FBLN5: variants seen among roughly 807,000 people sequenced by gnomAD.
The protein encoded by FBLN5 is fibulin 5.
FBLN5 carries 24 observed loss-of-function variants against 61.6 expected under a neutral mutation model. The observed-to-expected ratio is 0.39, with a 90% CI of 0.28 to 0.55. FBLN5 has a LOEUF of 0.55. Ranked by LOEUF, FBLN5 falls within the 20% of genes least tolerant of loss-of-function variation. The pLI, the probability that FBLN5 is intolerant of heterozygous loss-of-function variation, is 0.65. For missense variants in FBLN5, 470 were observed against 594.1 expected (o/e 0.79, Z 2.17); for synonymous variants, 213 against 219.8 (o/e 0.97, Z 0.27).
chr14:91,874,317 T>C (rs914782279), intron 10 of FBLN5: 1 of 152,336 alleles, frequency 6.6e-6, no homozygotes, highest in African/African-American at 2.4e-5. Flanking sequence ...GCAGCAACAG[T>C]AGCAGTGGCC....
intron 4 of FBLN5, among the ~76,000 whole-genome samples, chr14:91,917,938 A>G (rs1891265053): frequency 6.6e-6 from 1 of 152,184 alleles, no homozygotes; most frequent in Non-Finnish European, 1.5e-5. Context: ...ACATTACACA[A>G]GTGTGTAAGG....
At chr14:91,935,375 C>T (rs1245947323) in intron 4 of FBLN5, among the ~76,000 whole-genome samples, 2 of 152,222 alleles carry the variant, frequency 1.3e-5, no homozygotes, top group Non-Finnish European at 2.9e-5. Context: ...CCACGACCAC[C>T]CAAGGCCCCC....
At chr14:91,881,271 C>G in intron 9 of FBLN5, 21 bp downstream of exon 9, 1 of 1,613,884 alleles carries the variant, frequency 6.2e-7, no homozygotes, top group Admixed American at 1.7e-5. Flanking sequence ...TTCTATTCCC[C>G]AGGGGGACGC....
intron 7 of FBLN5, among the ~76,000 whole-genome samples, chr14:91,884,853 G>A (rs554370657): frequency 6.6e-6 from 1 of 152,346 alleles, no homozygotes; most frequent in South Asian, 2.1e-4. Context: ...CTTTGGGTCT[G>A]CAATTCCCAG....
chr14:91,929,890 T>C (rs1397781901), intron 4 of FBLN5, among the ~76,000 whole-genome samples: 2 of 152,138 alleles, frequency 1.3e-5, no homozygotes, highest in African/African-American at 4.8e-5. Flanking sequence ...CCCCAGGTGA[T>C]TCATGGGCAC....
chr14:91,929,531 A>T (rs2055889209), intron 4 of FBLN5, among the ~76,000 whole-genome samples: 1 of 152,226 alleles, frequency 6.6e-6, no homozygotes, highest in African/African-American at 2.4e-5. Context: ...AATAAGTAGC[A>T]AATCTGGGAT....
In FBLN5 at chr14:91,947,125, A is replaced by T; in HGVS notation, c.17+88T>A. 1 of 1,593,548 alleles carries T rather than the reference A, an allele frequency of 6.3e-7. No individual in the cohort carries two copies. Among genetic ancestry groups the T allele is most frequent in the South Asian group, 1.1e-5 (1 of 89,970 alleles). ...TTTCCAATATCCTGACACCGCCTGA[A>T]TCGCAGCCATAACCATTTTCCACCC... On this transcript the variant is annotated intron_variant, in intron 1 of 10. Transcript: ENST00000342058. The surrounding 1 kb of genome is among the most constrained non-coding windows in gnomAD (Gnocchi z 4.3).
intron 4 of FBLN5, among the ~76,000 whole-genome samples, chr14:91,923,396 GT>G (rs1489130355): frequency 1.3e-5 from 2 of 152,146 alleles, no homozygotes; most frequent in African/African-American, 4.8e-5. Context: ...CTCTTATTCT[GT>G]GCCTGCCCTG....
Position 91,943,929 on chromosome 14 carries a change from C to G in FBLN5, c.18-968G>C, listed in dbSNP as rs1450315027. On this transcript the variant is annotated intron_variant, in intron 1 of 10. Transcript: ENST00000342058. This position sits in a 1 kb window ranked among gnomAD's most constrained non-coding sequence, Gnocchi z 4.0. Reference sequence around the variant, plus strand: ...GAGGAGGAGTCACGCACCCTGGGCTCAGTTCTGCCATGCACAAGACAGTGA... The same window carrying G: ...GAGGAGGAGTCACGCACCCTGGGCTGAGTTCTGCCATGCACAAGACAGTGA... 2.6e-5 allele frequency among the ~76,000 whole-genome samples: 4 copies of G among 152,194 alleles called. No homozygotes were observed. The highest frequency in any genetic ancestry group is 4.4e-5 in the Non-Finnish European group (3 of 68,032).
intron 4 of FBLN5, among the ~76,000 whole-genome samples, chr14:91,914,836 T>C (rs1891120000): frequency 6.6e-6 from 1 of 151,616 alleles, no homozygotes; most frequent in Non-Finnish European, 1.5e-5. Context: ...TTTTGTTTTG[T>C]TTTGTTTTGT....
intron 1 of FBLN5, among the ~76,000 whole-genome samples, chr14:91,946,522 A>G (rs1271538864): frequency 2.0e-5 from 3 of 150,436 alleles, no homozygotes; most frequent in Admixed American, 6.6e-5. Context: ...TTTTCAGCAC[A>G]CACACACACA....
At chr14:91,934,730 T>A (rs1722990633) in intron 4 of FBLN5, among the ~76,000 whole-genome samples, 1 of 152,102 alleles carries the variant, frequency 6.6e-6, no homozygotes, top group Non-Finnish European at 1.5e-5. Context: ...ACCTCCACAC[T>A]CACCTCCTTG....
intron 10 of FBLN5, among the ~76,000 whole-genome samples, chr14:91,877,133 G>A (rs868651250): frequency 3.3e-5 from 5 of 152,132 alleles, no homozygotes; most frequent in Admixed American, 6.6e-5. Context: ...ATCAGCCCCC[G>A]TGCCTGGCCT....
intron 4 of FBLN5, among the ~76,000 whole-genome samples, chr14:91,903,333 G>C (rs1376286247): frequency 6.6e-6 from 1 of 152,148 alleles, no homozygotes; most frequent in Non-Finnish European, 1.5e-5. Context: ...TGTGCTTCCA[G>C]AAGGTTCTCC....
At chr14:91,877,198 C>T (rs1341784989) in intron 10 of FBLN5, among the ~76,000 whole-genome samples, 2 of 152,248 alleles carry the variant, frequency 1.3e-5, no homozygotes, top group African/African-American at 2.4e-5. Context: ...AAAGTGGAGA[C>T]GTGAATGCCT....
intron 1 of FBLN5, among the ~76,000 whole-genome samples, chr14:91,944,314 G>C (rs530355197): frequency 2.4e-4 from 36 of 152,332 alleles, no homozygotes; most frequent in Admixed American, 9.8e-4. Context: ...AAGAGCAAGC[G>C]TTAGGGAGGA....
Position 91,887,269 on chromosome 14 carries a change from G to A in FBLN5, c.663C>T (p.Cys221=), listed in dbSNP as rs749082816. The stretch of plus-strand genomic sequence containing the variant: ...AGATGAAAGAGCCGTAGGTGTTGAC[G>A]CAGGTTTGCACGCAGGGGTTCTCGG... ...CATENPCVQT[C]VNTYGSFICR... The change falls in exon 7 of 11, where the codon TGC becomes TGT. Residue 221 remains cysteine (C), a synonymous_variant. Transcript: ENST00000342058. 25 of 1,612,982 alleles carry A rather than the reference G, an allele frequency of 1.5e-5. No homozygotes were observed. The highest frequency in any genetic ancestry group is 3.3e-5 in the South Asian group (3 of 91,034).
chr14:91,888,803 G>A (rs1199262486), intron 6 of FBLN5, among the ~76,000 whole-genome samples: 6 of 152,022 alleles, frequency 3.9e-5, no homozygotes, highest in African/African-American at 1.2e-4. Flanking sequence ...CTCATCGTGC[G>A]GGGAGGGCAG....
intron 4 of FBLN5, 45 bp downstream of exon 4, chr14:91,936,902 T>C: frequency 6.2e-7 from 1 of 1,613,430 alleles, no homozygotes; most frequent in Admixed American, 1.7e-5. Flanking sequence ...AGACGATGTC[T>C]TCACCAAAGC....
Sources: allele counts gnomAD v4.1 joint callset (sites outside exome capture counted in the v4.1 genomes callset), GRCh38; gene constraint gnomAD v4.1.1; non-coding constraint Gnocchi (gnomAD v3.1); transcripts MANE v1.5; gene names NCBI Gene and HGNC (gene_info 2026-07-23, HGNC 2026-07-21).